The following THAP12 variants were observed in gnomAD, a reference collection of about 807,000 sequenced individuals.
THAP12 encodes the protein 52 kDa repressor of the inhibitor of the protein kinase.
Under a neutral mutation model 63.0 loss-of-function variants are expected in THAP12, and 20 were observed. The ratio of observed to expected loss-of-function variants is 0.32; its 90% CI spans 0.22 to 0.46. The LOEUF (loss-of-function observed/expected upper bound fraction) is 0.46, where lower values mean the gene tolerates loss of function less well. Among genes scored for constraint, THAP12 ranks in the 20% least tolerant of loss-of-function variants. THAP12 has a pLI of 1.00. For missense variants in THAP12, 568 were observed against 908.2 expected, an observed-to-expected ratio of 0.63 and a Z score of 4.81; for synonymous variants, 264 against 328.4, an observed-to-expected ratio of 0.80 and a Z score of 2.12.
In THAP12 at chr11:76,380,733, G is replaced by A; in HGVS notation, c.89+15C>T. ...AAGGTGGGCCCGGGCCGCCCGCTCT[G>A]CGCCCGCCGCTTACCTGGCAGGGTC... On this transcript the variant is annotated intron_variant, in intron 1 of 4. Transcript: ENST00000260045. 1 of 1,415,942 alleles carries A rather than the reference G, an allele frequency of 7.1e-7. No homozygotes were observed. The highest frequency in any genetic ancestry group is 9.3e-7 in the Non-Finnish European group (1 of 1,074,094). 87.7% of individuals were successfully genotyped at this position (1,415,942 alleles called of 1,614,324 possible). A position where few individuals can be genotyped will look rare whatever the true frequency, so the allele number is the denominator to read the frequency against.
chr11:76,370,813 T>C, intron 1 of THAP12, among the ~76,000 whole-genome samples: 1 of 127,234 alleles, frequency 7.9e-6, no homozygotes, highest in African/African-American at 2.9e-5. Flanking sequence ...AGAGCGAGAC[T>C]CCGTCTCAAA....
At chr11:76,368,753 A>G (rs1001099447) in intron 1 of THAP12, 3 of 152,250 alleles carry the variant, frequency 2.0e-5, no homozygotes, top group African/African-American at 7.2e-5. Flanking sequence ...TACACCATAC[A>G]CAAAAATAAG....
At chr11:76,374,794 G>A (rs1193854303) in intron 1 of THAP12, among the ~76,000 whole-genome samples, 5 of 152,220 alleles carry the variant, frequency 3.3e-5, no homozygotes, top group Non-Finnish European at 5.9e-5. Flanking sequence ...TGGTCTGAAT[G>A]TCTGCATCCC....
chr11:76,359,727 T>C (rs1946584902), intron 3 of THAP12, among the ~76,000 whole-genome samples: 1 of 151,388 alleles, frequency 6.6e-6, no homozygotes, highest in South Asian at 2.1e-4. Flanking sequence ...CTTGGAAGGC[T>C]GAGGCAGGAG....
rs201271112 is a variant in THAP12 at position 76,352,151 on chromosome 11, A to G, written c.999T>C (p.Ser333=). The change falls in exon 5 of 5, where the codon TCT becomes TCC. Residue 333 remains serine (S), a synonymous_variant. Transcript: ENST00000260045. The part of the protein sequence containing the change: ...EYCRGQAYIV[S]SGFSSKMKVV... ...CTTTCATTTTGGAAGAAAATCCACT[A>G]GAGACAATGTAAGCCTGGCCACGAC... 7.2e-4 allele frequency: 1,166 copies of G among 1,611,794 alleles called. 3 individuals are homozygous for G. The highest frequency in any genetic ancestry group is 9.2e-4 in the Non-Finnish European group (1,085 of 1,179,756).
At chr11:76,367,750 A>G (rs1946641721) in intron 1 of THAP12, among the ~76,000 whole-genome samples, 1 of 152,126 alleles carries the variant, frequency 6.6e-6, no homozygotes. Flanking sequence ...ATTAAATCAC[A>G]GTATTTTTTT....
At chr11:76,368,760 T>G (rs944250528) in intron 1 of THAP12, 8 of 152,150 alleles carry the variant, frequency 5.3e-5, no homozygotes, top group African/African-American at 1.7e-4. Context: ...TACACAAAAA[T>G]AAGTTCCAAG....
intron 4 of THAP12, 60 bp from the exon 5 acceptor site, chr11:76,352,854 AT>A: frequency 6.8e-7 from 1 of 1,474,918 alleles, no homozygotes; most frequent in Non-Finnish European, 9.0e-7. Flanking sequence ...ACAACAAAAA[AT>A]ATTACATCTT....
intron 2 of THAP12, chr11:76,364,383 T>C: frequency 2.3e-6 from 1 of 436,976 alleles, no homozygotes. Flanking sequence ...TTTTGAGAAA[T>C]AAAATAACCC....
At chr11:76,365,423 C>T (rs1161133325) in intron 2 of THAP12, among the ~76,000 whole-genome samples, 2 of 151,784 alleles carry the variant, frequency 1.3e-5, no homozygotes, top group African/African-American at 4.8e-5. Flanking sequence ...CTCACTCTGT[C>T]GCCCAGAGTG....
chr11:76,378,958 A>C (rs1370879583), intron 1 of THAP12, among the ~76,000 whole-genome samples: 2 of 152,108 alleles, frequency 1.3e-5, no homozygotes, highest in Non-Finnish European at 2.9e-5. Flanking sequence ...CCAAACTTCT[A>C]GTATTCCTCT....
At position 76,371,096 on chromosome 11, in the gene THAP12, C is replaced by G. The variant is rs115045721; in HGVS notation, c.90-5124G>C. Reference sequence around the variant, plus strand: ...TTCTCTCCATCAATAACACCCTGGTCCAAGCTACCATAATTTTTTACCTGG... The same window carrying G: ...TTCTCTCCATCAATAACACCCTGGTGCAAGCTACCATAATTTTTTACCTGG... On this transcript the variant is annotated intron_variant, in intron 1 of 4. Coordinates refer to ENST00000260045, the MANE Select transcript of THAP12 (RefSeq NM_004705.4). 5.6e-3 allele frequency among the ~76,000 whole-genome samples: 847 copies of G among 152,182 alleles called. 9 individuals carry two copies. The highest frequency in any genetic ancestry group is 0.02 in the African/African-American group (813 of 41,500).
intron 1 of THAP12, among the ~76,000 whole-genome samples, chr11:76,370,251 C>T (rs1045841271): frequency 5.9e-5 from 9 of 152,092 alleles, no homozygotes; most frequent in African/African-American, 1.4e-4. Flanking sequence ...AAGTTTGGGA[C>T]GCTAGTGATA....
intron 3 of THAP12, chr11:76,355,955 G>C (rs1164219488): frequency 1.8e-5 from 4 of 216,708 alleles, no homozygotes; most frequent in Non-Finnish European, 2.7e-5. Context: ...CTAATGAAAG[G>C]CACAAAAATA....
At chr11:76,370,652 C>T (rs951974501) in intron 1 of THAP12, among the ~76,000 whole-genome samples, 6 of 151,746 alleles carry the variant, frequency 4.0e-5, no homozygotes, top group African/African-American at 1.2e-4. Context: ...CATGAGCCAC[C>T]GCACGTAGCT....
At position 76,352,328 on chromosome 11, in the gene THAP12, C is replaced by A. The variant is rs1451967555; in HGVS notation, c.822G>T (p.Glu274Asp). ...CAAACCTCACCAACACAGGTAGGTG[C>A]TCTTCCCCTGCTATGTCCACTACAT... ...TDDVVDIAGEEHLPVLVRFVD... is the reference protein window; with the variant it reads ...TDDVVDIAGEDHLPVLVRFVD... Residue 274 changes from glutamate (E) to aspartate (D), a missense_variant, in exon 5 of 5, where the codon GAG (glutamate) becomes GAT (aspartate). Glu to Asp is a conservative substitution (Grantham distance 45). Transcript: ENST00000260045. 32 of 1,611,810 alleles carry A rather than the reference C, an allele frequency of 2.0e-5. No individual in the cohort carries two copies. The highest frequency in any genetic ancestry group is 2.6e-5 in the Non-Finnish European group (31 of 1,179,828).
At chr11:76,372,898 CAG>C (rs1946684267) in intron 1 of THAP12, among the ~76,000 whole-genome samples, 1 of 150,770 alleles carries the variant, frequency 6.6e-6, no homozygotes. Context: ...AAAAAAAAAA[CAG>C]GGTTCCACGG....
chr11:76,365,903 T>C lies in THAP12; in HGVS notation c.159A>G (p.Lys53=). ...LEDKTPDQLN[K]HYRLCAKHFE... ...AATGTTTGGCACATAATCGATAATGTTTATTTAGCTGATCAGGTGTTTTAT... is the reference window on the plus strand; with the variant it reads ...AATGTTTGGCACATAATCGATAATGCTTATTTAGCTGATCAGGTGTTTTAT... The change falls in exon 2 of 5, where the codon AAA becomes AAG. Residue 53 remains lysine, a synonymous_variant. Transcript: ENST00000260045. The C allele has an allele frequency of 1.2e-6, 2 of 1,613,118 alleles. No homozygotes were observed. The highest frequency in any genetic ancestry group is 1.7e-6 in the Non-Finnish European group (2 of 1,179,218).
chr11:76,351,909 TC>T lies in THAP12; in HGVS notation c.1240del (p.Glu414LysfsTer6). 1 of 1,599,102 alleles carries T rather than the reference TC, an allele frequency of 6.3e-7. No homozygotes were observed. Among genetic ancestry groups the T allele is most frequent in the Non-Finnish European group, 8.5e-7 (1 of 1,174,500 alleles). On this transcript the variant is annotated frameshift_variant, in exon 5 of 5. Transcript: ENST00000260045. LOFTEE classifies it high-confidence loss of function. ...GATTTCCTTCAGTTCTTTACCCCTT[TC>T]TTTACTGTTCTGAAAAAGAACAGAA... ...VISVLFQNSK[E>X]RGKELKEICH...
Sources: allele counts gnomAD v4.1 joint callset (sites outside exome capture counted in the v4.1 genomes callset), GRCh38; gene constraint gnomAD v4.1.1; transcripts MANE v1.5; gene names NCBI Gene and HGNC (gene_info 2026-07-23, HGNC 2026-07-21).